The following FHIT variants were observed in gnomAD, a reference collection of about 807,000 sequenced individuals.
FHIT encodes fragile histidine triad diadenosine triphosphatase.
In FHIT, 19 loss-of-function variants were observed where a neutral mutation model predicts 17.9. The observed-to-expected ratio is 1.06, with a 90% CI of 0.74 to 1.56. FHIT has a LOEUF of 1.56. Ranked by LOEUF, FHIT falls within the 40% of genes most tolerant of loss-of-function variation. The probability of loss-of-function intolerance (pLI) is 0.00; values close to 1 mark genes in which losing one functional copy is unlikely to be tolerated. For missense variants in FHIT, 248 were observed against 189.2 expected, an observed-to-expected ratio of 1.31 and a Z score of -1.82; for synonymous variants, 81 against 69.7, an observed-to-expected ratio of 1.16 and a Z score of -0.81.
intron 4 of FHIT, among the ~76,000 whole-genome samples, chr3:60,606,001 C>T (rs1251007048): frequency 6.6e-6 from 1 of 152,032 alleles, no homozygotes; most frequent in Non-Finnish European, 1.5e-5. Flanking sequence ...ATTATAGAAA[C>T]CAGGGGATGT....
rs181688872 is a variant in FHIT, at chr3:60,782,998, G to C, written c.-18+38921C>G. On this transcript the variant is annotated intron_variant, in intron 4 of 9. Transcript: ENST00000492590. Reference sequence around the variant, plus strand: ...CACTGGGTTGTTTTTTGTTGTTGTTGTTTTGACAAGGTCTCCCCCTGTTGC... The same window carrying C: ...CACTGGGTTGTTTTTTGTTGTTGTTCTTTTGACAAGGTCTCCCCCTGTTGC... Among the ~76,000 whole-genome samples, 915 of 152,126 alleles carry C rather than the reference G, an allele frequency of 6.0e-3. 13 individuals are homozygous for C. The highest frequency in any genetic ancestry group is 0.021 in the African/African-American group (863 of 41,518).
At chr3:60,239,462 G>A (rs187961667) in intron 5 of FHIT, among the ~76,000 whole-genome samples, 1 of 152,236 alleles carries the variant, frequency 6.6e-6, no homozygotes, top group African/African-American at 2.4e-5. Context: ...CTACTCAGGG[G>A]GCTAAGGCAG....
chr3:60,317,570 AT>A, intron 5 of FHIT, among the ~76,000 whole-genome samples: 1 of 148,188 alleles, frequency 6.7e-6, no homozygotes, highest in Middle Eastern at 3.6e-3. Context: ...ATATCATTAT[AT>A]ATAATTATAT....
At chr3:60,707,387 T>G (rs1175175598) in intron 4 of FHIT, among the ~76,000 whole-genome samples, 3 of 152,246 alleles carry the variant, frequency 2.0e-5, no homozygotes, top group Non-Finnish European at 2.9e-5. Flanking sequence ...ATTTGGGGGG[T>G]TTACACATGG....
intron 2 of FHIT, among the ~76,000 whole-genome samples, chr3:61,162,394 C>T (rs2037722656): frequency 6.6e-6 from 1 of 152,138 alleles, no homozygotes. Context: ...ATCTGTTAAA[C>T]TTGTGTTTAA....
chr3:61,185,935 G>C (rs965449502), intron 2 of FHIT, among the ~76,000 whole-genome samples: 1 of 151,898 alleles, frequency 6.6e-6, no homozygotes, highest in Non-Finnish European at 1.5e-5. Flanking sequence ...CAAAATGCAG[G>C]AGTTAAAGAA....
chr3:60,585,399 G>A (rs2037875311), intron 4 of FHIT, among the ~76,000 whole-genome samples: 1 of 152,034 alleles, frequency 6.6e-6, no homozygotes, highest in Admixed American at 6.6e-5. Context: ...ACATTGTAAA[G>A]CTGTAGTGGT....
chr3:60,223,859 C>G (rs1704069695), intron 5 of FHIT, among the ~76,000 whole-genome samples: 1 of 152,094 alleles, frequency 6.6e-6, no homozygotes, highest in African/African-American at 2.4e-5. Flanking sequence ...TGACTTGGTT[C>G]TGGCCCACAA....
intron 4 of FHIT, among the ~76,000 whole-genome samples, chr3:60,549,813 CTG>C (rs1340969895): frequency 6.6e-6 from 1 of 152,170 alleles, no homozygotes; most frequent in African/African-American, 2.4e-5. Context: ...AAGAATAAAA[CTG>C]TGTTTCCTTT....
At chr3:60,543,311 C>A (rs564002731) in intron 4 of FHIT, among the ~76,000 whole-genome samples, 1 of 152,096 alleles carries the variant, frequency 6.6e-6, no homozygotes, top group Non-Finnish European at 1.5e-5. Context: ...TAAAGAAAAA[C>A]AGAGATCCTC....
At chr3:60,242,671 T>C (rs889433579) in intron 5 of FHIT, among the ~76,000 whole-genome samples, 1 of 152,022 alleles carries the variant, frequency 6.6e-6, no homozygotes, top group East Asian at 1.9e-4. Flanking sequence ...AGCACAGGGA[T>C]CCCCGAAATA....
chr3:59,767,718 C>G (rs898418465), intron 8 of FHIT, among the ~76,000 whole-genome samples: 1 of 152,144 alleles, frequency 6.6e-6, no homozygotes, highest in Non-Finnish European at 1.5e-5. Context: ...AACATGATCT[C>G]ATTTACTCTT....
At position 60,615,507 on chromosome 3, in the gene FHIT, T is replaced by G. The variant is rs73836670; in HGVS notation, c.-17-78528A>C. Among the ~76,000 whole-genome samples, 391 of 152,334 alleles carry G rather than the reference T, an allele frequency of 2.6e-3. 2 individuals are homozygous for G. Among genetic ancestry groups the G allele is most frequent in the African/African-American group, 9.2e-3 (381 of 41,560 alleles). On this transcript the variant is annotated intron_variant, in intron 4 of 9. Coordinates refer to ENST00000492590, the MANE Select transcript of FHIT (RefSeq NM_002012.4). Reference sequence around the variant, plus strand: ...GGCCTTAATAAATCAGAAATTTAAATTGGCTATTCATTTTAGTTACAGCCA... The same window carrying G: ...GGCCTTAATAAATCAGAAATTTAAAGTGGCTATTCATTTTAGTTACAGCCA...
chr3:60,146,031 C>A (rs896216095), intron 5 of FHIT, among the ~76,000 whole-genome samples: 8 of 151,478 alleles, frequency 5.3e-5, no homozygotes, highest in African/African-American at 1.9e-4. Context: ...CTCATATTTT[C>A]TAATCTACAC....
At chr3:61,010,396 T>G (rs536629520) in intron 3 of FHIT, among the ~76,000 whole-genome samples, 1 of 152,306 alleles carries the variant, frequency 6.6e-6, no homozygotes, top group African/African-American at 2.4e-5. Flanking sequence ...TCTTACAAAA[T>G]GCTTTACATG....
intron 4 of FHIT, among the ~76,000 whole-genome samples, chr3:60,640,507 G>A (rs2039700035): frequency 6.6e-6 from 1 of 152,108 alleles, no homozygotes. Flanking sequence ...TTGAGAAATA[G>A]TTACATGGGA....
intron 4 of FHIT, among the ~76,000 whole-genome samples, chr3:60,672,297 A>G (rs1454517541): frequency 6.6e-6 from 1 of 151,388 alleles, no homozygotes; most frequent in African/African-American, 2.4e-5. Context: ...GAGTCCAAAA[A>G]GAGAGTTAGC....
At chr3:61,033,407 A>G (rs1318723478) in intron 3 of FHIT, among the ~76,000 whole-genome samples, 1 of 152,174 alleles carries the variant, frequency 6.6e-6, no homozygotes, top group Admixed American at 6.5e-5. Context: ...GACCTCAAAG[A>G]CTGAGTAGGA....
chr3:59,907,363 C>A (rs934463239), intron 8 of FHIT, among the ~76,000 whole-genome samples: 8 of 152,200 alleles, frequency 5.3e-5, no homozygotes, highest in African/African-American at 1.9e-4. Context: ...CATCTCTTGG[C>A]TAAAGGGAAG....
Sources: gnomAD v4.1 joint callset for allele counts (sites outside exome capture counted in the v4.1 genomes callset) on GRCh38, gnomAD v4.1.1 for gene constraint, MANE v1.5 for transcripts, NCBI Gene and HGNC (gene_info 2026-07-23, HGNC 2026-07-21) for gene names.